The following COL15A1 variants were observed in gnomAD, a reference collection of about 807,000 sequenced individuals.
COL15A1 encodes collagen alpha-1(XV) chain.
In COL15A1, 111 loss-of-function variants were observed where a neutral mutation model predicts 165.9. The observed-to-expected ratio is 0.67, with a 90% CI of 0.57 to 0.78. The LOEUF is 0.78. COL15A1 is among the 30% of genes least tolerant of loss of function. The pLI, the probability that COL15A1 is intolerant of heterozygous loss-of-function variation, is 0.00. For missense variants in COL15A1, 1,745 were observed against 1,789.7 expected, an observed-to-expected ratio of 0.98 and a Z score of 0.45; for synonymous variants, 659 against 674.8, an observed-to-expected ratio of 0.98 and a Z score of 0.36.
intron 9 of COL15A1, among the ~76,000 whole-genome samples, chr9:99,014,079 G>C (rs1838890679): frequency 1.3e-5 from 2 of 152,106 alleles, no homozygotes; most frequent in African/African-American, 4.8e-5. Flanking sequence ...AAGTCAGGTA[G>C]AGCTGGTCAA....
At chr9:99,025,023 C>A in intron 15 of COL15A1, 24 bp downstream of exon 15, 1 of 1,609,280 alleles carries the variant, frequency 6.2e-7, no homozygotes, top group Non-Finnish European at 8.5e-7. Context: ...GTCTTCTCCC[C>A]ATCTCTGTGG....
At chr9:99,050,536 A>AT (rs1222740412) in intron 30 of COL15A1, among the ~76,000 whole-genome samples, 2 of 152,232 alleles carry the variant, frequency 1.3e-5, no homozygotes, top group Admixed American at 6.5e-5. Flanking sequence ...TCTGTCCCTG[A>AT]TTTTTTACCC....
chr9:99,066,859 C>T (rs1393904067), intron 39 of COL15A1, 23 bp from the exon 40 acceptor site: 2 of 1,600,886 alleles, frequency 1.2e-6, no homozygotes, highest in Non-Finnish European at 1.7e-6. Flanking sequence ...TCTGACTGCT[C>T]TCTTTTGTCT....
intron 14 of COL15A1, 72 bp downstream of exon 14, chr9:99,023,521 G>A: frequency 1.3e-6 from 1 of 759,444 alleles, no homozygotes; most frequent in African/African-American, 1.7e-5. Context: ...AGGGACGTGG[G>A]GGCCAGGGAC....
intron 11 of COL15A1, among the ~76,000 whole-genome samples, chr9:99,017,659 C>G (rs1458045755): frequency 6.6e-6 from 1 of 152,112 alleles, no homozygotes; most frequent in Non-Finnish European, 1.5e-5. Flanking sequence ...AGTGGGCAGC[C>G]AGCTCTGGAT....
At chr9:98,969,573 T>G (rs1239810615) in intron 2 of COL15A1, among the ~76,000 whole-genome samples, 1 of 152,124 alleles carries the variant, frequency 6.6e-6, no homozygotes, top group Non-Finnish European at 1.5e-5. Flanking sequence ...CCCCCTCTCG[T>G]TGTCAGCAGA....
chr9:99,016,929 G>A (rs781144389), intron 11 of COL15A1, among the ~76,000 whole-genome samples: 11 of 152,222 alleles, frequency 7.2e-5, no homozygotes, highest in Non-Finnish European at 1.3e-4. Context: ...GCTGTGGGAC[G>A]GGAGATCAGG....
chr9:98,970,829 G>A (rs1233602540), intron 2 of COL15A1, among the ~76,000 whole-genome samples: 1 of 152,118 alleles, frequency 6.6e-6, no homozygotes, highest in African/African-American at 2.4e-5. Context: ...AGTGCGGGTG[G>A]AGGTGCATGA....
At chr9:98,969,589 G>A (rs1163683862) in intron 2 of COL15A1, among the ~76,000 whole-genome samples, 1 of 152,212 alleles carries the variant, frequency 6.6e-6, no homozygotes, top group Non-Finnish European at 1.5e-5. Context: ...GCAGAGCCCC[G>A]CTCCTGGTAG....
chr9:98,966,321 C>T (rs541734880), intron 2 of COL15A1, among the ~76,000 whole-genome samples: 1 of 152,328 alleles, frequency 6.6e-6, no homozygotes, highest in African/African-American at 2.4e-5. Context: ...TCATTCAGTG[C>T]TCCTCCCAAC....
chr9:99,005,936 C>T (rs1046176092), intron 9 of COL15A1, among the ~76,000 whole-genome samples: 1 of 152,214 alleles, frequency 6.6e-6, no homozygotes, highest in Non-Finnish European at 1.5e-5. Context: ...CTTGCAGGGT[C>T]TGGCCTACCT....
chr9:98,946,677 A>G (rs1272150492), intron 2 of COL15A1, among the ~76,000 whole-genome samples: 5 of 152,214 alleles, frequency 3.3e-5, no homozygotes, highest in African/African-American at 7.2e-5. Context: ...ACTGGCTATA[A>G]AAAACAATTG....
At chr9:99,038,054 G>C (rs1053085260) in intron 21 of COL15A1, among the ~76,000 whole-genome samples, 3 of 151,944 alleles carry the variant, frequency 2.0e-5, no homozygotes, top group African/African-American at 7.3e-5. Flanking sequence ...CATCATGCTG[G>C]TAGACCACAG....
chr9:99,068,147 G>A (rs543567836), intron 40 of COL15A1, among the ~76,000 whole-genome samples: 5 of 152,280 alleles, frequency 3.3e-5, no homozygotes, highest in African/African-American at 1.2e-4. Flanking sequence ...ACTCTAATGT[G>A]AGGTGGCATC....
intron 15 of COL15A1, 123 bp downstream of exon 15, chr9:99,025,122 T>G: frequency 1.4e-6 from 1 of 727,278 alleles, no homozygotes; most frequent in South Asian, 2.1e-5. Context: ...AGCAGCTAGC[T>G]GTTTGTAAAC....
At chr9:99,029,372 T>A (rs1230873068) in intron 16 of COL15A1, among the ~76,000 whole-genome samples, 3 of 152,232 alleles carry the variant, frequency 2.0e-5, no homozygotes, top group Non-Finnish European at 4.4e-5. Flanking sequence ...TTTCCGTTGA[T>A]GTAAGAGAAA....
intron 11 of COL15A1, among the ~76,000 whole-genome samples, chr9:99,018,541 G>A (rs576051709): frequency 1.3e-5 from 2 of 152,116 alleles, no homozygotes; most frequent in African/African-American, 2.4e-5. Context: ...TGTTGTTGCC[G>A]CTTTTTAAAA....
At position 98,943,948 on chromosome 9, in the gene COL15A1, C is replaced by G; in HGVS notation, c.-114C>G. 1.4e-6 allele frequency: 2 copies of G among 1,458,396 alleles called. No individual in the cohort carries two copies. The highest frequency in any genetic ancestry group is 2.0e-5 in the Admixed American group (1 of 50,472). The allele number at this position is 1,458,396 out of a possible 1,614,324, so 90.3% of individuals were successfully genotyped here. A position where few individuals can be genotyped will look rare whatever the true frequency, so the allele number is the denominator to read the frequency against. ...CCGCTGCCGAGCGCCGCCTTTGTTC[C>G]CTGCAGGAAGGGCGAGCGCGGCGGC... is the stretch of plus-strand genomic sequence containing the variant. On this transcript the variant is annotated 5_prime_UTR_variant, in exon 1 of 42. Coordinates refer to ENST00000375001, the MANE Select transcript of COL15A1 (RefSeq NM_001855.5).
chr9:99,013,758 T>G (rs1428894338), intron 9 of COL15A1, among the ~76,000 whole-genome samples: 2 of 152,094 alleles, frequency 1.3e-5, no homozygotes, highest in Non-Finnish European at 2.9e-5. Flanking sequence ...CTCATGACTC[T>G]TGAAACTCCA....
Sources: allele counts gnomAD v4.1 joint callset (sites outside exome capture counted in the v4.1 genomes callset), GRCh38; gene constraint gnomAD v4.1.1; transcripts MANE v1.5; gene names NCBI Gene and HGNC (gene_info 2026-07-23, HGNC 2026-07-21).